TMEM120B: variants seen among roughly 807,000 people sequenced by gnomAD.
TMEM120B encodes transmembrane protein 120B.
In TMEM120B, 31 loss-of-function variants were observed where a neutral mutation model predicts 55.5. That is an observed-to-expected ratio of 0.56 (90% CI 0.42 to 0.75). The LOEUF (loss-of-function observed/expected upper bound fraction) is 0.75. TMEM120B is among the 30% of genes least tolerant of loss of function. The pLI is 0.00. For synonymous variants in TMEM120B, 203 were observed against 176.3 expected, an observed-to-expected ratio of 1.15 and a Z score of -1.20; for missense variants, 399 against 425.5, an observed-to-expected ratio of 0.94 and a Z score of 0.55.
Position 121,775,559 on chromosome 12 carries a change from T to G in TMEM120B, c.907-50T>G, listed in dbSNP as rs1592952071. On this transcript the variant is annotated intron_variant, in intron 11 of 11. Transcript: ENST00000449592. This position sits in a 1 kb window ranked among gnomAD's most constrained non-coding sequence, Gnocchi z 4.3. ...GATTCTGGGGTGCTGGGGGCAGGGG[T>G]TCAGCAGGGCAGATGCCCCAGCCTC... The G allele has an allele frequency of 6.3e-7, 1 of 1,577,514 alleles. No individual in the cohort carries two copies. Among genetic ancestry groups the G allele is most frequent in the Admixed American group, 1.7e-5 (1 of 57,526 alleles).
At chr12:121,731,655 C>T (rs1032226492) in intron 1 of TMEM120B, among the ~76,000 whole-genome samples, 9 of 152,194 alleles carry the variant, frequency 5.9e-5, no homozygotes, top group Admixed American at 2.0e-4. Flanking sequence ...CTAACGTTTG[C>T]GTAATGACGG....
At chr12:121,755,251 C>T (rs1873445304) in intron 5 of TMEM120B, among the ~76,000 whole-genome samples, 1 of 152,208 alleles carries the variant, frequency 6.6e-6, no homozygotes, top group Non-Finnish European at 1.5e-5. Flanking sequence ...GGCCAGCATC[C>T]TCTAGGGTTC....
At chr12:121,771,660 C>A in intron 8 of TMEM120B, 111 bp downstream of exon 8, 1 of 1,137,660 alleles carries the variant, frequency 8.8e-7, no homozygotes, top group South Asian at 1.3e-5. Flanking sequence ...GCAGGGAGAC[C>A]AGACTGGGGG....
At chr12:121,724,177 A>G (rs144246768) in intron 1 of TMEM120B, among the ~76,000 whole-genome samples, 116 of 151,544 alleles carry the variant, frequency 7.7e-4, no homozygotes, top group African/African-American at 2.6e-3. Flanking sequence ...AGCTGGGATT[A>G]CAGGCACCGG....
chr12:121,720,208 T>C (rs755430173), intron 1 of TMEM120B, among the ~76,000 whole-genome samples: 3 of 152,116 alleles, frequency 2.0e-5, no homozygotes, highest in Non-Finnish European at 2.9e-5. Flanking sequence ...GCCACCCAAA[T>C]GCGTGCCTCC....
chr12:121,753,383 C>A (rs1018700767), intron 5 of TMEM120B, among the ~76,000 whole-genome samples: 9 of 151,974 alleles, frequency 5.9e-5, no homozygotes, highest in African/African-American at 1.9e-4. Context: ...CCAGCCTGGG[C>A]AACATGGTCA....
intron 1 of TMEM120B, among the ~76,000 whole-genome samples, chr12:121,727,313 A>G (rs1343781277): frequency 1.3e-5 from 2 of 151,842 alleles, no homozygotes; most frequent in African/African-American, 4.8e-5. Flanking sequence ...AGGCAAGAGG[A>G]TTGCTTGAAC....
At chr12:121,714,251 G>A (rs1161831376) in intron 1 of TMEM120B, among the ~76,000 whole-genome samples, 1 of 151,766 alleles carries the variant, frequency 6.6e-6, no homozygotes, top group Non-Finnish European at 1.5e-5. Context: ...GCCACTTCTT[G>A]TTTTGTTTTG....
chr12:121,757,056 C>G (rs1050796031), intron 5 of TMEM120B, among the ~76,000 whole-genome samples: 1 of 151,616 alleles, frequency 6.6e-6, no homozygotes, highest in African/African-American at 2.4e-5. Flanking sequence ...GTCTCAGAAG[C>G]ACAGCTCTGA....
intron 6 of TMEM120B, among the ~76,000 whole-genome samples, chr12:121,767,102 C>G (rs1255047200): frequency 5.3e-5 from 8 of 151,872 alleles, no homozygotes; most frequent in Non-Finnish European, 5.9e-5. Flanking sequence ...CATTGATGCA[C>G]CTGCTCCTCC....
chr12:121,763,157 CTT>C (rs35941086), intron 6 of TMEM120B, among the ~76,000 whole-genome samples: 923 of 88,080 alleles, frequency 0.01, 3 homozygotes, highest in Non-Finnish European at 0.017. Flanking sequence ...CTCGGCATGC[CTT>C]TTTTTTTTTT....
intron 4 of TMEM120B, among the ~76,000 whole-genome samples, 165 bp downstream of exon 4, chr12:121,750,604 ACCAAC>A (rs1873251129): frequency 5.5e-5 from 2 of 36,410 alleles, no homozygotes; most frequent in Non-Finnish European, 1.6e-4. Flanking sequence ...CCCCACCCAC[ACCAAC>A]ACCAACACCA....
At chr12:121,764,657 A>G (rs1873789922) in intron 6 of TMEM120B, among the ~76,000 whole-genome samples, 1 of 152,046 alleles carries the variant, frequency 6.6e-6, no homozygotes, top group Non-Finnish European at 1.5e-5. Context: ...CTGACTCAAA[A>G]AAAAAAAAGT....
chr12:121,738,860 C>T lies in TMEM120B; in HGVS notation c.70-4769C>T, dbSNP rs185558074. Reference sequence around the variant, plus strand: ...ACATCCGCAGACCCCCACTGGGGGACATTCTTCCAGACAACTGGACCGAAC... The same window carrying T: ...ACATCCGCAGACCCCCACTGGGGGATATTCTTCCAGACAACTGGACCGAAC... On this transcript the variant is annotated intron_variant, in intron 1 of 11. Transcript: ENST00000449592. Among the ~76,000 whole-genome samples the T allele has an allele frequency of 8.1e-4, 123 of 152,256 alleles. 1 individual carries two copies. In the East Asian group the frequency reaches 0.022, roughly 27 times the overall value.
At chr12:121,773,951 CTTTT>C (rs560321014) in intron 9 of TMEM120B, among the ~76,000 whole-genome samples, 49 of 96,612 alleles carry the variant, frequency 5.1e-4, no homozygotes, top group South Asian at 4.3e-3. Flanking sequence ...ACTCTGCTAT[CTTTT>C]TTTTTTTTTT....
intron 4 of TMEM120B, among the ~76,000 whole-genome samples, chr12:121,751,916 A>G (rs2137213893): frequency 6.6e-6 from 1 of 152,328 alleles, no homozygotes. Flanking sequence ...ACCAGAGTCC[A>G]GGGACATGGG....
Position 121,712,752 on chromosome 12 carries a change from A to G in TMEM120B, c.-144A>G. ...GGCGCCGGGGCGGGGCCGTGACGTCAGTTGCGCGCGTGGCTCTGGCTGCGC... is the reference window on the plus strand; with the variant it reads ...GGCGCCGGGGCGGGGCCGTGACGTCGGTTGCGCGCGTGGCTCTGGCTGCGC... On this transcript the variant is annotated 5_prime_UTR_variant, in exon 1 of 12. Coordinates refer to ENST00000449592, the MANE Select transcript of TMEM120B (RefSeq NM_001080825.2). The G allele has an allele frequency of 2.4e-6, 1 of 417,094 alleles. No homozygotes were observed. The highest frequency in any genetic ancestry group is 3.7e-6 in the Non-Finnish European group (1 of 266,680). The allele number at this position is 417,094 out of a possible 1,614,324, so 25.8% of individuals were successfully genotyped here.
chr12:121,772,276 G>C (rs1229776626), intron 8 of TMEM120B, among the ~76,000 whole-genome samples: 1 of 151,180 alleles, frequency 6.6e-6, no homozygotes, highest in African/African-American at 2.4e-5. Context: ...CTACAGGTGC[G>C]CACCACCACG....
intron 6 of TMEM120B, among the ~76,000 whole-genome samples, chr12:121,763,323 C>T (rs1471049494): frequency 2.0e-5 from 3 of 151,926 alleles, no homozygotes; most frequent in Admixed American, 6.6e-5. Context: ...CCACCACACC[C>T]GGCTAATTTT....
Sources: allele counts gnomAD v4.1 joint callset (sites outside exome capture counted in the v4.1 genomes callset), GRCh38; gene constraint gnomAD v4.1.1; non-coding constraint Gnocchi (gnomAD v3.1); transcripts MANE v1.5; gene names NCBI Gene and HGNC (gene_info 2026-07-23, HGNC 2026-07-21).